The following FAM135B variants were observed in gnomAD, a reference collection of about 807,000 sequenced individuals.
The protein encoded by FAM135B is family with sequence similarity 135 member B, also known as protein FAM135B.
In FAM135B, 43 loss-of-function variants were observed where a neutral mutation model predicts 127.7. The observed-to-expected ratio is 0.34, with a 90% CI of 0.26 to 0.43. The LOEUF (loss-of-function observed/expected upper bound fraction) is 0.43, where lower values mean the gene tolerates loss of function less well. FAM135B is among the 20% of genes least tolerant of loss of function. The pLI is 1.00. For synonymous variants in FAM135B, 670 were observed against 665.1 expected, an observed-to-expected ratio of 1.01 and a Z score of -0.11; for missense variants, 1,558 against 1,725.6, an observed-to-expected ratio of 0.90 and a Z score of 1.72.
intron 7 of FAM135B, among the ~76,000 whole-genome samples, chr8:138,215,664 C>A (rs1481232108): frequency 4.6e-5 from 7 of 152,182 alleles, no homozygotes; most frequent in Admixed American, 3.9e-4. Flanking sequence ...TTGGCACAGA[C>A]AGAACATTAT....
chr8:138,152,884 C>T lies in FAM135B; in HGVS notation c.1591G>A (p.Val531Met), dbSNP rs2130784679. 1.2e-6 allele frequency: 2 copies of T among 1,614,236 alleles called. No homozygotes were observed. The highest frequency in any genetic ancestry group is 1.7e-6 in the Non-Finnish European group (2 of 1,180,036). Residue 531 changes from valine (V) to methionine (M), a missense_variant, in exon 13 of 20, where the codon GTG (valine) becomes ATG (methionine). Val to Met is a conservative substitution (Grantham distance 21). Coordinates refer to ENST00000395297, the MANE Select transcript of FAM135B (RefSeq NM_015912.4). The stretch of plus-strand genomic sequence containing the variant: ...CTTCTAGAAGTATCCACATCTGCCA[C>T]TGGATATGTCCCAGCATCAGATGTT... ...GQTSDAGTYP[V>M]ADVDTSRRSP...
intron 4 of FAM135B, among the ~76,000 whole-genome samples, chr8:138,264,223 TCA>T (rs1822746342): frequency 6.6e-6 from 1 of 152,256 alleles, no homozygotes; most frequent in African/African-American, 2.4e-5. Flanking sequence ...CAGTTGGGTC[TCA>T]GTTCTGCATT....
chr8:138,287,143 A>T (rs1413009053), intron 3 of FAM135B, among the ~76,000 whole-genome samples: 2 of 152,234 alleles, frequency 1.3e-5, no homozygotes, highest in Non-Finnish European at 2.9e-5. Context: ...CATTTTCTAC[A>T]TGATATACCC....
intron 1 of FAM135B, among the ~76,000 whole-genome samples, chr8:138,481,069 T>G (rs1044371055): frequency 3.3e-5 from 5 of 152,246 alleles, no homozygotes; most frequent in African/African-American, 1.2e-4. Flanking sequence ...CTACTCTCCC[T>G]GTTAAAAGAA....
At chr8:138,244,466 C>T (rs925919582) in intron 6 of FAM135B, among the ~76,000 whole-genome samples, 2 of 152,142 alleles carry the variant, frequency 1.3e-5, no homozygotes, top group Non-Finnish European at 2.9e-5. Context: ...ATACCAGCAC[C>T]CTAGCCATTT....
intron 1 of FAM135B, among the ~76,000 whole-genome samples, chr8:138,432,225 A>G (rs1415972797): frequency 6.6e-6 from 1 of 152,226 alleles, no homozygotes; most frequent in Non-Finnish European, 1.5e-5. Flanking sequence ...ATGTTCCTTT[A>G]TAAAACGTGT....
chr8:138,224,411 A>G (rs1325802018), intron 7 of FAM135B, among the ~76,000 whole-genome samples: 1 of 152,146 alleles, frequency 6.6e-6, no homozygotes, highest in Non-Finnish European at 1.5e-5. Context: ...AAGAGGGGCT[A>G]GAGAGAACCA....
At chr8:138,260,516 A>G (rs1294579680) in intron 4 of FAM135B, among the ~76,000 whole-genome samples, 2 of 152,128 alleles carry the variant, frequency 1.3e-5, no homozygotes, top group East Asian at 3.9e-4. Context: ...ACTCCCTAGT[A>G]GAAGCTTTTC....
intron 1 of FAM135B, among the ~76,000 whole-genome samples, chr8:138,417,968 C>T (rs910739664): frequency 5.3e-5 from 8 of 151,984 alleles, no homozygotes; most frequent in Non-Finnish European, 1.2e-4. Context: ...AAATGGCAGA[C>T]GTCAAATTCA....
Position 138,130,191 on chromosome 8 carries a change from A to AATATATATTT in FAM135B, c.*2392_*2401dup, listed in dbSNP as rs1249801456. ...ATAATAGAATGTCCCTGTTTTACAT[A>AATATATATTT]ATATATATTTATATATATTTTATGT... is the stretch of plus-strand genomic sequence containing the variant. On this transcript the variant is annotated 3_prime_UTR_variant, in exon 20 of 20. Coordinates refer to ENST00000395297, the MANE Select transcript of FAM135B (RefSeq NM_015912.4). 6.7e-6 allele frequency: 1 copy of AATATATATTT among 149,736 alleles called. No individual in the cohort carries two copies. The highest frequency in any genetic ancestry group is 2.4e-5 in the African/African-American group (1 of 41,016). The allele number at this position is 149,736 out of a possible 1,614,324, so 9.3% of individuals were successfully genotyped here. A position where few individuals can be genotyped will look rare whatever the true frequency, so the allele number is the denominator to read the frequency against.
At chr8:138,333,705 C>A (rs1828348787) in intron 2 of FAM135B, among the ~76,000 whole-genome samples, 1 of 152,176 alleles carries the variant, frequency 6.6e-6, no homozygotes, top group African/African-American at 2.4e-5. Flanking sequence ...TCCCTCAAGA[C>A]ATGAATTGAG....
At chr8:138,278,153 C>G (rs1241207323) in intron 3 of FAM135B, among the ~76,000 whole-genome samples, 1 of 151,956 alleles carries the variant, frequency 6.6e-6, no homozygotes, top group African/African-American at 2.4e-5. Flanking sequence ...CATAGGAGAA[C>G]AGGTCATCTG....
At chr8:138,402,019 G>A (rs1254901363) in intron 1 of FAM135B, among the ~76,000 whole-genome samples, 1 of 152,146 alleles carries the variant, frequency 6.6e-6, no homozygotes, top group East Asian at 1.9e-4. Context: ...GTGTGTCTGT[G>A]TGTGTGTGTG....
rs1224665419 is a variant in FAM135B at position 138,131,826 on chromosome 8, G to C, written c.*767C>G. 6.6e-6 allele frequency: 1 copy of C among 152,644 alleles called. No individual in the cohort carries two copies. Among genetic ancestry groups the C allele is most frequent in the Non-Finnish European group, 1.5e-5 (1 of 68,074 alleles). The allele number at this position is 152,644 out of a possible 1,614,324, so 9.5% of individuals were successfully genotyped here. A position where few individuals can be genotyped will look rare whatever the true frequency, so the allele number is the denominator to read the frequency against. ...TTCCCTACTACAGACAAAGATGTAAGCAATCACTAAAATAATTTGTGGATC... is the reference window on the plus strand; with the variant it reads ...TTCCCTACTACAGACAAAGATGTAACCAATCACTAAAATAATTTGTGGATC... On this transcript the variant is annotated 3_prime_UTR_variant, in exon 20 of 20. Coordinates refer to ENST00000395297, the MANE Select transcript of FAM135B (RefSeq NM_015912.4).
chr8:138,489,744 A>G (rs1354606581), intron 1 of FAM135B, among the ~76,000 whole-genome samples: 1 of 151,920 alleles, frequency 6.6e-6, no homozygotes, highest in African/African-American at 2.4e-5. Flanking sequence ...GAGCCCACAC[A>G]TCCTACTGCC....
intron 9 of FAM135B, among the ~76,000 whole-genome samples, chr8:138,181,541 C>T (rs2131006733): frequency 6.6e-6 from 1 of 152,210 alleles, no homozygotes; most frequent in East Asian, 1.9e-4. Context: ...ACACCTGGTC[C>T]TCTCCAATCC....
intron 3 of FAM135B, among the ~76,000 whole-genome samples, chr8:138,283,640 A>G (rs1316784765): frequency 6.6e-6 from 1 of 152,064 alleles, no homozygotes; most frequent in Non-Finnish European, 1.5e-5. Flanking sequence ...CAATGTAACA[A>G]ATGTTCCGCT....
intron 12 of FAM135B, among the ~76,000 whole-genome samples, chr8:138,153,482 G>C (rs879452655): frequency 6.6e-6 from 1 of 152,110 alleles, no homozygotes; most frequent in Non-Finnish European, 1.5e-5. Context: ...ACAAAGCAGG[G>C]CGGGGCATCA....
rs773708846 is a variant in FAM135B at position 138,151,793 on chromosome 8, T to A, written c.2682A>T (p.Arg894Ser). The change falls in exon 13 of 20, where the codon AGA becomes AGT. Residue 894 changes from arginine (R) to serine (S), a missense_variant. Around this residue, in one of 5 missense-constraint regions of FAM135B, gnomAD observed 923 missense variants for 865.3 expected, o/e 1.07. Coordinates refer to ENST00000395297, the MANE Select transcript of FAM135B (RefSeq NM_015912.4). The part of the protein sequence containing the change: ...RVIALENPRT[R>S]SLHRALEETP... ...TTTCCTCAAGTGCTCTATGAAGAGA[T>A]CTGGTCCTGGGGTTTTCAAGTGCTA... The A allele has an allele frequency of 4.3e-6, 7 of 1,614,080 alleles. No homozygotes were observed. The highest frequency in any genetic ancestry group is 5.1e-6 in the Non-Finnish European group (6 of 1,180,030).
Sources: allele counts gnomAD v4.1 joint callset (sites outside exome capture counted in the v4.1 genomes callset), GRCh38; gene constraint gnomAD v4.1.1; regional missense constraint gnomAD v4.1.1; transcripts MANE v1.5; gene names NCBI Gene and HGNC (gene_info 2026-07-23, HGNC 2026-07-21).